Variants in ANO3 observed in about 807,000 individuals in gnomAD.
ANO3 encodes the protein anoctamin 3, also known as anoctamin-3.
In ANO3, 99 loss-of-function variants were observed where a neutral mutation model predicts 144.8. The observed-to-expected ratio is 0.68, with a 90% confidence interval of 0.58 to 0.81. The LOEUF (loss-of-function observed/expected upper bound fraction) is 0.81, where lower values mean the gene tolerates loss of function less well. Among genes scored for constraint, ANO3 ranks in the 30% least tolerant of loss-of-function variants. The pLI is 0.00. For missense variants in ANO3, 905 were observed against 1,202.2 expected (o/e 0.75, Z 3.66); for synonymous variants, 414 against 392.6 (o/e 1.05, Z -0.64).
At chr11:26,484,594 A>T (rs7117379) in intron 4 of ANO3, among the ~76,000 whole-genome samples, 1 of 152,162 alleles carries the variant, frequency 6.6e-6, no homozygotes, top group African/African-American at 2.4e-5. Context: ...TGGAGGGGAA[A>T]TGTGGGGTTG....
Position 26,663,192 on chromosome 11 carries a change from T to C in ANO3, c.*2748T>C, listed in dbSNP as rs1041065515. The C allele has an allele frequency of 4.6e-5, 7 of 152,078 alleles. No individual in the cohort carries two copies. The highest frequency in any genetic ancestry group is 7.4e-5 in the Non-Finnish European group (5 of 67,986). The allele number at this position is 152,078 out of a possible 1,614,324, so 9.4% of individuals were successfully genotyped here. A position where few individuals can be genotyped will look rare whatever the true frequency, so the allele number is the denominator to read the frequency against. ...TGCATGATGAGATACAACTTCTGAA[T>C]GCTGCACATTCTTCCAAAATGATCC... On this transcript the variant is annotated 3_prime_UTR_variant, in exon 27 of 27. Transcript: ENST00000256737.
intron 3 of ANO3, among the ~76,000 whole-genome samples, chr11:26,461,010 C>A (rs1210003546): frequency 6.6e-6 from 1 of 151,996 alleles, no homozygotes; most frequent in Non-Finnish European, 1.5e-5. Context: ...TGCCATTTGC[C>A]GATTGCTGTT....
At chr11:26,308,954 A>G (rs947265181), upstream of ANO3, among the ~76,000 whole-genome samples, 1 of 152,158 alleles carries the variant, frequency 6.6e-6, no homozygotes, top group African/African-American at 2.4e-5. Context: ...AGAAAGAAAA[A>G]CTGAGGTCAG....
chr11:26,326,987 G>A (rs1358086416), intron 1 of ANO3, among the ~76,000 whole-genome samples: 1 of 152,202 alleles, frequency 6.6e-6, no homozygotes, highest in African/African-American at 2.4e-5. Flanking sequence ...ACAGCAAGAT[G>A]AGTCTTTATG....
intron 12 of ANO3, among the ~76,000 whole-genome samples, chr11:26,549,562 A>C (rs378401): frequency 0.71 from 108,051 of 151,782 alleles, 38,772 homozygotes; most frequent in East Asian, 0.84. Flanking sequence ...ATGTTTCTAC[A>C]AGTTATGTCC....
At chr11:26,240,870 T>C (rs1175989663) in intron 1 of ANO3, among the ~76,000 whole-genome samples, 1 of 152,218 alleles carries the variant, frequency 6.6e-6, no homozygotes, top group Non-Finnish European at 1.5e-5. Context: ...ATTTCTATAA[T>C]ATGTATAAAT....
intron 4 of ANO3, among the ~76,000 whole-genome samples, chr11:26,486,057 A>T (rs55974953): frequency 0.078 from 11,417 of 147,060 alleles, 605 homozygotes; most frequent in Admixed American, 0.13. Flanking sequence ...TCCTTATGAA[A>T]TTTATTTATT....
intron 1 of ANO3, among the ~76,000 whole-genome samples, chr11:26,256,640 G>A (rs1853063830): frequency 6.6e-6 from 1 of 152,032 alleles, no homozygotes; most frequent in African/African-American, 2.4e-5. Context: ...AATAAAAACA[G>A]CTGATATAGT....
chr11:26,368,999 G>T (rs1856173225), intron 1 of ANO3, among the ~76,000 whole-genome samples: 1 of 151,930 alleles, frequency 6.6e-6, no homozygotes, highest in Non-Finnish European at 1.5e-5. Flanking sequence ...CTACAGTCAT[G>T]TCATAGGCAA....
intron 14 of ANO3, among the ~76,000 whole-genome samples, chr11:26,595,179 G>A (rs893369931): frequency 6.6e-6 from 1 of 152,050 alleles, no homozygotes; most frequent in Non-Finnish European, 1.5e-5. Context: ...TCTGCTTATC[G>A]GATTAGTTAC....
intron 14 of ANO3, among the ~76,000 whole-genome samples, chr11:26,596,010 T>C (rs1430542233): frequency 2.0e-5 from 3 of 152,194 alleles, no homozygotes; most frequent in Non-Finnish European, 4.4e-5. Flanking sequence ...GGGTTGTCAG[T>C]GGTCTCAGTG....
chr11:26,224,811 G>T (rs545672814), intron 1 of ANO3, among the ~76,000 whole-genome samples: 1 of 152,164 alleles, frequency 6.6e-6, no homozygotes, highest in Non-Finnish European at 1.5e-5. Context: ...AGCAATGTAT[G>T]CTGGGCTTTG....
At chr11:26,506,039 T>C (rs1861423422) in intron 4 of ANO3, among the ~76,000 whole-genome samples, 1 of 147,400 alleles carries the variant, frequency 6.8e-6, no homozygotes, top group Non-Finnish European at 1.5e-5. Flanking sequence ...GATAACTGGA[T>C]ACAGCAATAA....
At chr11:26,476,953 C>G (rs1860008060) in intron 4 of ANO3, among the ~76,000 whole-genome samples, 1 of 143,974 alleles carries the variant, frequency 6.9e-6, no homozygotes, top group African/African-American at 2.6e-5. Context: ...GAGAGAGAGA[C>G]TTTTAATACT....
At chr11:26,341,086 C>G (rs1203889151) in intron 1 of ANO3, among the ~76,000 whole-genome samples, 1 of 152,002 alleles carries the variant, frequency 6.6e-6, no homozygotes. Context: ...CCTCCCCTCC[C>G]CTCCCCGCTT....
At chr11:26,254,723 A>C (rs1385477895) in intron 1 of ANO3, among the ~76,000 whole-genome samples, 1 of 152,174 alleles carries the variant, frequency 6.6e-6, no homozygotes, top group Non-Finnish European at 1.5e-5. Flanking sequence ...AATATTAATA[A>C]ACTGTAATAA....
chr11:26,249,012 A>G (rs1026553406), intron 1 of ANO3, among the ~76,000 whole-genome samples: 1 of 152,200 alleles, frequency 6.6e-6, no homozygotes, highest in Non-Finnish European at 1.5e-5. Flanking sequence ...CGTCTTCCAC[A>G]AAACCGGTCC....
chr11:26,632,991 C>T (rs1307783429), intron 18 of ANO3, among the ~76,000 whole-genome samples: 1 of 152,174 alleles, frequency 6.6e-6, no homozygotes, highest in African/African-American at 2.4e-5. Context: ...TGCCAGTCAC[C>T]TTCTGGGTGG....
intron 4 of ANO3, among the ~76,000 whole-genome samples, chr11:26,504,394 C>T (rs1861329297): frequency 6.6e-6 from 1 of 151,918 alleles, no homozygotes; most frequent in South Asian, 2.1e-4. Context: ...TTATTGATGC[C>T]TACAATGTGT....
Sources: allele counts gnomAD v4.1 joint callset (sites outside exome capture counted in the v4.1 genomes callset), GRCh38; gene constraint gnomAD v4.1.1; transcripts MANE v1.5; gene names NCBI Gene and HGNC (gene_info 2026-07-23, HGNC 2026-07-21).